Variants in MARCHF1 observed in about 807,000 individuals in gnomAD.
MARCHF1 encodes E3 ubiquitin-protein ligase MARCHF1.
In MARCHF1, 40 loss-of-function variants were observed where a neutral mutation model predicts 54.2. The ratio of observed to expected loss-of-function variants is 0.74; its 90% CI spans 0.57 to 0.96. The LOEUF is 0.96. Among genes scored for constraint, MARCHF1 ranks in the 40% least tolerant of loss-of-function variants. The pLI, the probability that MARCHF1 is intolerant of heterozygous loss-of-function variation, is 0.00. For missense variants in MARCHF1, 586 were observed against 656.5 expected (o/e 0.89, Z 1.17); for synonymous variants, 236 against 236.3 (o/e 1.00, Z 0.01).
intron 3 of MARCHF1, among the ~76,000 whole-genome samples, chr4:163,855,494 T>C (rs1393502462): frequency 6.6e-6 from 1 of 152,196 alleles, no homozygotes; most frequent in Non-Finnish European, 1.5e-5. Flanking sequence ...AGTAACACTA[T>C]CTTGGTTAAT....
At chr4:163,775,823 C>G (rs1053631271) in intron 4 of MARCHF1, among the ~76,000 whole-genome samples, 3 of 152,006 alleles carry the variant, frequency 2.0e-5, no homozygotes, top group Non-Finnish European at 4.4e-5. Flanking sequence ...AATGTGAGGT[C>G]ATTTAGAGCA....
intron 5 of MARCHF1, among the ~76,000 whole-genome samples, chr4:163,623,586 G>C (rs1368379870): frequency 6.6e-6 from 1 of 152,154 alleles, no homozygotes; most frequent in Admixed American, 6.5e-5. Flanking sequence ...CTGAGAGCTT[G>C]TGGATAAGAG....
intron 3 of MARCHF1, among the ~76,000 whole-genome samples, chr4:163,944,385 A>C (rs1751985039): frequency 6.6e-6 from 1 of 152,150 alleles, no homozygotes; most frequent in Non-Finnish European, 1.5e-5. Context: ...TCAGCTGCAG[A>C]AAGCTGCTTC....
At chr4:164,300,316 T>A (rs374284300) in intron 1 of MARCHF1, among the ~76,000 whole-genome samples, 1 of 152,120 alleles carries the variant, frequency 6.6e-6, no homozygotes, top group Admixed American at 6.6e-5. Flanking sequence ...TATATACTTA[T>A]GGGAGTTTAT....
intron 1 of MARCHF1, among the ~76,000 whole-genome samples, chr4:164,252,244 T>G (rs1176236892): frequency 6.6e-6 from 1 of 152,166 alleles, no homozygotes; most frequent in East Asian, 1.9e-4. Flanking sequence ...TATGCTCAAA[T>G]CTTCCCCTCC....
At chr4:163,795,439 A>C (rs565897591) in intron 4 of MARCHF1, among the ~76,000 whole-genome samples, 1 of 152,298 alleles carries the variant, frequency 6.6e-6, no homozygotes, top group Admixed American at 6.5e-5. Flanking sequence ...TATGTTGGCC[A>C]GGCTGGTCTC....
At chr4:163,946,527 T>A (rs1010885186) in intron 3 of MARCHF1, among the ~76,000 whole-genome samples, 1 of 152,204 alleles carries the variant, frequency 6.6e-6, no homozygotes, top group Admixed American at 6.5e-5. Context: ...CCCCCAGGAA[T>A]GTTTCCTGAT....
At chr4:163,637,697 G>T (rs1288381223) in intron 5 of MARCHF1, among the ~76,000 whole-genome samples, 2 of 150,746 alleles carry the variant, frequency 1.3e-5, no homozygotes, top group Non-Finnish European at 3.0e-5. Flanking sequence ...ATTCCTCAGG[G>T]ATCTAGAACT....
At chr4:163,802,308 T>C (rs1001979341) in intron 4 of MARCHF1, among the ~76,000 whole-genome samples, 1 of 152,186 alleles carries the variant, frequency 6.6e-6, no homozygotes, top group Non-Finnish European at 1.5e-5. Context: ...CTATATATTT[T>C]TTCACTTTAA....
chr4:164,106,156 A>T (rs1158129500), intron 2 of MARCHF1, among the ~76,000 whole-genome samples: 3 of 148,586 alleles, frequency 2.0e-5, no homozygotes, highest in Non-Finnish European at 4.5e-5. Flanking sequence ...GAACACTTTT[A>T]CACTGTTGGT....
rs188800822 is a variant in MARCHF1, at chr4:163,969,568, C to T, written c.-39+18933G>A. On this transcript the variant is annotated intron_variant, in intron 3 of 9. Transcript: ENST00000514618. ...AAAAGTAAAAATGATTTTTCTCAGACGGTATGTTCATCCTTCCATTATTTA... is the reference window on the plus strand; with the variant it reads ...AAAAGTAAAAATGATTTTTCTCAGATGGTATGTTCATCCTTCCATTATTTA... 4.7e-3 allele frequency among the ~76,000 whole-genome samples: 723 copies of T among 152,214 alleles called. 9 individuals are homozygous for T. Among genetic ancestry groups the T allele is most frequent in the Middle Eastern group, 0.01 (3 of 294 alleles).
chr4:163,933,799 C>T (rs1437641853), intron 3 of MARCHF1, among the ~76,000 whole-genome samples: 1 of 152,206 alleles, frequency 6.6e-6, no homozygotes, highest in Admixed American at 6.5e-5. Context: ...TGAAATGCCT[C>T]CTGTATCACA....
chr4:163,968,328 C>T (rs1050073403), intron 3 of MARCHF1, among the ~76,000 whole-genome samples: 1 of 152,066 alleles, frequency 6.6e-6, no homozygotes, highest in Non-Finnish European at 1.5e-5. Context: ...GCTACATAGG[C>T]AGGGCAAAAT....
rs1011277782 is a variant in MARCHF1, at chr4:163,893,570, GTA to G, written c.-38-39403_-38-39402del. Among the ~76,000 whole-genome samples the G allele has an allele frequency of 2.9e-4, 44 of 152,206 alleles. 1 individual carries two copies. The highest frequency in any genetic ancestry group is 1.0e-3 in the African/African-American group (43 of 41,502). On this transcript the variant is annotated intron_variant, in intron 3 of 9. Transcript: ENST00000514618. ...GGAAAATAATTTTCTGACACGTAAA[GTA>G]TACAAATGGAAAGGGAACTCAAGTA...
intron 2 of MARCHF1, among the ~76,000 whole-genome samples, chr4:164,100,850 C>T (rs1395960925): frequency 3.3e-5 from 5 of 152,178 alleles, no homozygotes. Context: ...ATCTGAGGTA[C>T]CGGGTTCATC....
intron 2 of MARCHF1, among the ~76,000 whole-genome samples, chr4:164,044,672 ATCTT>A (rs1169504296): frequency 1.3e-5 from 2 of 152,196 alleles, no homozygotes; most frequent in East Asian, 3.9e-4. Context: ...CTTGCTTTCT[ATCTT>A]TCTCTTTCTC....
chr4:164,300,431 G>A (rs554445580), intron 1 of MARCHF1, among the ~76,000 whole-genome samples: 1 of 152,144 alleles, frequency 6.6e-6, no homozygotes, highest in Admixed American at 6.5e-5. Flanking sequence ...TTCCAAAACT[G>A]AACACTAAAT....
intron 2 of MARCHF1, among the ~76,000 whole-genome samples, chr4:164,003,829 A>T (rs1753232390): frequency 6.6e-6 from 1 of 152,190 alleles, no homozygotes; most frequent in African/African-American, 2.4e-5. Context: ...ATAAAGATAC[A>T]TGCATGTGTA....
intron 3 of MARCHF1, among the ~76,000 whole-genome samples, chr4:163,961,556 G>T (rs72687933): frequency 0.1 from 15,559 of 151,726 alleles, 858 homozygotes; most frequent in Non-Finnish European, 0.12. Flanking sequence ...ACCTTTTCAC[G>T]TGCTACCCTT....
Sources: gnomAD v4.1 joint callset for allele counts (sites outside exome capture counted in the v4.1 genomes callset) on GRCh38, gnomAD v4.1.1 for gene constraint, MANE v1.5 for transcripts, NCBI Gene and HGNC (gene_info 2026-07-23, HGNC 2026-07-21) for gene names.